LINC00632: variants seen among roughly 807,000 people sequenced by gnomAD.
LINC00632 encodes long independently transcribed non-coding RNA 632, also known as ALDOA related specific transcript.
rs58322122 is a variant in LINC00632, at chrX:140,743,224, C to CAA, written n.191+9295_191+9296dup. On this transcript the variant is annotated intron_variant and non_coding_transcript_variant, in intron 3 of 4. Transcript: ENST00000648200. ...TGGGCGACAGAGCAAAACGCTGTCTCAAAAAAAAAAAAAAAAAAAAAAAAA... is the reference window on the plus strand; with the variant it reads ...TGGGCGACAGAGCAAAACGCTGTCTCAAAAAAAAAAAAAAAAAAAAAAAAAAA... Among the ~76,000 whole-genome samples the CAA allele has an allele frequency of 8.3e-4, 37 of 44,325 alleles. 4 individuals carry two copies. Among genetic ancestry groups the CAA allele is most frequent in the African/African-American group, 3.7e-3 (24 of 6,429 alleles). 38.5% of individuals were successfully genotyped at this position (44,325 alleles called of 115,157 possible). A position where few individuals can be genotyped will look rare whatever the true frequency, so the allele number is the denominator to read the frequency against.
At chrX:140,762,242 A>AGAGAGAGAGAGAGAGC (rs1286418753) in intron 3 of LINC00632, among the ~76,000 whole-genome samples, 24 of 99,813 alleles carry the variant, frequency 2.4e-4, no homozygotes, top group East Asian at 2.2e-3. Context: ...AGAGAGAGAG[A>AGAGAGAGAGAGAGAGC]GCACTCTTAT....
At chrX:140,779,560 G>A (rs1373003224) in exon 5 of LINC00632, among the ~76,000 whole-genome samples, 1 of 111,541 alleles carries the variant, frequency 9.0e-6, no homozygotes, top group Non-Finnish European at 1.9e-5. Flanking sequence ...ATGTCAGTGT[G>A]TTATGGTTGC....
chrX:140,753,953 T>A (rs936435605), intron 3 of LINC00632, among the ~76,000 whole-genome samples: 2 of 110,155 alleles, frequency 1.8e-5, no homozygotes, highest in Non-Finnish European at 1.9e-5. Flanking sequence ...TTTTTGTATT[T>A]TTAGTAGAGA....
At chrX:140,779,068 G>A (rs1286710030) in exon 5 of LINC00632, among the ~76,000 whole-genome samples, 1 of 111,666 alleles carries the variant, frequency 9.0e-6, no homozygotes, top group Non-Finnish European at 1.9e-5. Context: ...ATGTAAATGG[G>A]TGTTTTTTTC....
At chrX:140,753,768 C>CTTTTTTTTTTT (rs752596283) in intron 3 of LINC00632, among the ~76,000 whole-genome samples, 35 of 49,726 alleles carry the variant, frequency 7.0e-4, no homozygotes, top group African/African-American at 1.5e-3. Flanking sequence ...TTCTTTCTTT[C>CTTTTTTTTTTT]TTTTTTTTTT....
chrX:140,728,242 A>G (rs1362063813), intron 2 of LINC00632, among the ~76,000 whole-genome samples: 1 of 103,435 alleles, frequency 9.7e-6, no homozygotes, highest in East Asian at 2.9e-4. Context: ...CTCTGTCTCA[A>G]AAAAAAAAAA....
intron 2 of LINC00632, among the ~76,000 whole-genome samples, chrX:140,724,053 GCACACACACACATTCCATACC>G (rs1461326683): frequency 5.1e-5 from 1 of 19,527 alleles, no homozygotes. Context: ...CATTCTGTAT[GCACACACACACATTCCATACC>G]CACACACACA....
In LINC00632 at chrX:140,725,445, A is replaced by C. The variant is rs371960525; in HGVS notation, n.105-8433A>C. Among the ~76,000 whole-genome samples, 4 of 112,815 alleles carry C rather than the reference A, an allele frequency of 3.5e-5. No individual in the cohort carries two copies. The East Asian group carries it at 1.1e-3, about 31-fold the overall frequency. On this transcript the variant is annotated intron_variant and non_coding_transcript_variant, in intron 2 of 4. Coordinates refer to ENST00000648200, the Ensembl canonical transcript of LINC00632. ...ACACACACACACATTCCATGCACACACATAGACTCATTCCGTACACACACA... is the reference window on the plus strand; with the variant it reads ...ACACACACACACATTCCATGCACACCCATAGACTCATTCCGTACACACACA...
chrX:140,758,265 G>A (rs1399644580), intron 3 of LINC00632, among the ~76,000 whole-genome samples: 1 of 110,758 alleles, frequency 9.0e-6, no homozygotes, highest in Non-Finnish European at 1.9e-5. Context: ...ATTGTGATGT[G>A]AAAGGAATAC....
At chrX:140,747,813 C>T (rs892177052) in intron 3 of LINC00632, among the ~76,000 whole-genome samples, 1 of 111,431 alleles carries the variant, frequency 9.0e-6, no homozygotes, top group African/African-American at 3.3e-5. Context: ...GCCCTGGACT[C>T]TTCTCTCCTC....
At chrX:140,713,343 G>C in intron 2 of LINC00632, among the ~76,000 whole-genome samples, 1 of 110,715 alleles carries the variant, frequency 9.0e-6, no homozygotes, top group East Asian at 2.9e-4. Context: ...ATGAGAACAG[G>C]AAACAGACTG....
chrX:140,734,577 C>T (rs144521861), intron 3 of LINC00632, among the ~76,000 whole-genome samples: 1,257 of 109,416 alleles, frequency 0.011, 17 homozygotes, highest in African/African-American at 0.039. Flanking sequence ...TATTCGTCAC[C>T]TTACCATACA....
chrX:140,788,603 AATATT>A (rs1350904273), exon 5 of LINC00632, among the ~76,000 whole-genome samples: 5 of 109,676 alleles, frequency 4.6e-5, no homozygotes, highest in Non-Finnish European at 7.6e-5. Context: ...AGGAAAATAC[AATATT>A]ATATTTATTG....
chrX:140,778,684 T>C (rs1359653805), exon 5 of LINC00632, among the ~76,000 whole-genome samples: 1 of 110,781 alleles, frequency 9.0e-6, no homozygotes. Flanking sequence ...ACCTTGGCCA[T>C]TTTTTTATTT....
At chrX:140,772,235 G>GT in exon 4 of LINC00632, 1 of 296,521 alleles carries the variant, frequency 3.4e-6, no homozygotes, top group Non-Finnish European at 5.9e-6. Flanking sequence ...TCACCATCCT[G>GT]TTTCTTGCTA....
chrX:140,723,982 C>CATTCCTTACACACAGACACACATTCGAT, intron 2 of LINC00632, among the ~76,000 whole-genome samples: 1 of 111,781 alleles, frequency 8.9e-6, no homozygotes, highest in Non-Finnish European at 1.9e-5. Context: ...CATACACACA[C>CATTCCTTACACACAGACACACATTCGAT]ACATTCCATA....
rs1341934115 is a variant in LINC00632, at chrX:140,784,741, G to A, written n.12760G>A. 2.0e-5 allele frequency: 4 copies of A among 196,031 alleles called. No individual in the cohort carries two copies. The Admixed American group carries it at 2.7e-4, about 13-fold the overall frequency. The allele number at this position is 196,031 out of a possible 1,213,427, so 16.2% of individuals were successfully genotyped here. On this transcript the variant is annotated non_coding_transcript_exon_variant, in exon 5 of 5. Coordinates refer to ENST00000648200, the Ensembl canonical transcript of LINC00632. Reference sequence around the variant, plus strand: ...TTTCAAATCTAGGCTTCCCCTGTCTGAGCCTTCCCATGTTAAAATCACTCT... The same window carrying A: ...TTTCAAATCTAGGCTTCCCCTGTCTAAGCCTTCCCATGTTAAAATCACTCT...
exon 5 of LINC00632, among the ~76,000 whole-genome samples, chrX:140,791,107 T>TTAAC (rs1932101510): frequency 9.1e-6 from 1 of 110,245 alleles, no homozygotes; most frequent in South Asian, 3.9e-4. Context: ...GCCTCATTGT[T>TTAAC]TAACTATTAT....
At chrX:140,725,160 CAT>C (rs1329505246) in intron 2 of LINC00632, among the ~76,000 whole-genome samples, 3 of 86,418 alleles carry the variant, frequency 3.5e-5, no homozygotes, top group African/African-American at 1.4e-4. Context: ...AACACACACA[CAT>C]TCCATACACA....
Sources: allele counts gnomAD v4.1 joint callset (sites outside exome capture counted in the v4.1 genomes callset), GRCh38; gene constraint gnomAD v4.1.1; transcripts MANE v1.5; gene names NCBI Gene and HGNC (gene_info 2026-07-23, HGNC 2026-07-21).